The following HDAC9 variants were observed in gnomAD, a reference collection of about 807,000 sequenced individuals.
The protein encoded by HDAC9 is MEF-2 interacting transcription repressor (MITR) protein.
A neutral mutation model predicts 139.4 loss-of-function variants in HDAC9; 41 were observed. The ratio of observed to expected loss-of-function variants is 0.29; its 90% CI spans 0.23 to 0.38. HDAC9 has a LOEUF of 0.38. Ranked by LOEUF, HDAC9 falls within the 10% of genes least tolerant of loss-of-function variation. The pLI, the probability that HDAC9 is intolerant of heterozygous loss-of-function variation, is 1.00. For missense variants in HDAC9, 1,147 were observed against 1,297.0 expected (o/e 0.88, Z 1.78); for synonymous variants, 517 against 476.2 (o/e 1.09, Z -1.12).
intron 1 of HDAC9, among the ~76,000 whole-genome samples, chr7:18,296,120 A>G (rs1233593980): frequency 1.3e-5 from 2 of 152,154 alleles, no homozygotes; most frequent in Non-Finnish European, 2.9e-5. Flanking sequence ...AAACAACGTG[A>G]ATAAATAAAA....
At chr7:18,226,876 G>A (rs1793090785) in intron 2 of HDAC9, among the ~76,000 whole-genome samples, 1 of 152,180 alleles carries the variant, frequency 6.6e-6, no homozygotes, top group Non-Finnish European at 1.5e-5. Context: ...AAGGGCAACA[G>A]AAACATTTGA....
intron 2 of HDAC9, among the ~76,000 whole-genome samples, chr7:18,577,462 T>C (rs1367964883): frequency 6.6e-5 from 10 of 152,234 alleles, no homozygotes; most frequent in Admixed American, 4.6e-4. Context: ...CAGTGGTTTC[T>C]CTTTTTCAAA....
chr7:18,095,796 T>C (rs1460186286), intron 1 of HDAC9, among the ~76,000 whole-genome samples: 7 of 152,222 alleles, frequency 4.6e-5, no homozygotes, highest in African/African-American at 1.7e-4. Flanking sequence ...CATTGAACTC[T>C]GTGACAAATG....
intron 6 of HDAC9, among the ~76,000 whole-genome samples, chr7:18,610,489 A>C (rs1364688091): frequency 6.6e-6 from 1 of 152,150 alleles, no homozygotes; most frequent in Admixed American, 6.6e-5. Context: ...CATTCTGATA[A>C]ATTCCCAGGA....
At chr7:18,712,188 A>T (rs10235392) in intron 12 of HDAC9, among the ~76,000 whole-genome samples, 13 of 152,102 alleles carry the variant, frequency 8.5e-5, no homozygotes, top group Non-Finnish European at 1.8e-4. Flanking sequence ...TCATTCTTTA[A>T]TATACATCAG....
chr7:18,851,840 C>T (rs1051583137), intron 21 of HDAC9, among the ~76,000 whole-genome samples: 1 of 152,178 alleles, frequency 6.6e-6, no homozygotes, highest in East Asian at 1.9e-4. Flanking sequence ...CTTTCTTTTA[C>T]GGAAACATCC....
At chr7:18,733,807 A>C (rs1786627549) in intron 13 of HDAC9, among the ~76,000 whole-genome samples, 1 of 152,108 alleles carries the variant, frequency 6.6e-6, no homozygotes, top group Non-Finnish European at 1.5e-5. Flanking sequence ...TTGTCTGAAA[A>C]GTCTGGAAAT....
At chr7:18,622,149 CTG>C (rs1262297451) in intron 6 of HDAC9, among the ~76,000 whole-genome samples, 2 of 152,130 alleles carry the variant, frequency 1.3e-5, no homozygotes, top group Non-Finnish European at 2.9e-5. Flanking sequence ...GAGGGAGAAA[CTG>C]TGTGGAGAAG....
chr7:18,756,227 A>G (rs1788865190), intron 14 of HDAC9, among the ~76,000 whole-genome samples: 1 of 152,226 alleles, frequency 6.6e-6, no homozygotes, highest in African/African-American at 2.4e-5. Flanking sequence ...CGAGATAGAG[A>G]CAAATAGGCA....
At chr7:18,385,460 T>C (rs900658556) in intron 1 of HDAC9, among the ~76,000 whole-genome samples, 9 of 152,182 alleles carry the variant, frequency 5.9e-5, no homozygotes, top group African/African-American at 2.4e-5. Flanking sequence ...CTAAAGTAAA[T>C]CTGAGTGTAT....
At chr7:18,945,897 C>T (rs561315628) in intron 23 of HDAC9, among the ~76,000 whole-genome samples, 14 of 151,620 alleles carry the variant, frequency 9.2e-5, no homozygotes, top group South Asian at 2.1e-4. Context: ...ATTAGCTGGG[C>T]GTGGTGGTGC....
intron 23 of HDAC9, among the ~76,000 whole-genome samples, chr7:18,946,840 C>T (rs1782439926): frequency 6.6e-6 from 1 of 151,932 alleles, no homozygotes; most frequent in Non-Finnish European, 1.5e-5. Context: ...GAGTATATAT[C>T]CCCTAACATG....
chr7:18,696,929 G>A (rs1369764073), intron 12 of HDAC9, among the ~76,000 whole-genome samples: 2 of 151,764 alleles, frequency 1.3e-5, no homozygotes, highest in East Asian at 3.9e-4. Flanking sequence ...TTGGCGCTGA[G>A]GAAGAGATAT....
At chr7:18,681,128 A>G (rs913888089) in intron 12 of HDAC9, among the ~76,000 whole-genome samples, 4 of 151,932 alleles carry the variant, frequency 2.6e-5, no homozygotes, top group African/African-American at 9.7e-5. Context: ...TAGCTGACAA[A>G]CTGTCATTCT....
intron 2 of HDAC9, among the ~76,000 whole-genome samples, chr7:18,177,777 A>C (rs1053500795): frequency 1.3e-5 from 2 of 152,132 alleles, no homozygotes; most frequent in Non-Finnish European, 2.9e-5. Flanking sequence ...AGCTGTATTT[A>C]TGGTTGCTCT....
chr7:18,462,678 G>T (rs549331619), intron 1 of HDAC9, among the ~76,000 whole-genome samples: 1 of 151,954 alleles, frequency 6.6e-6, no homozygotes, highest in Non-Finnish European at 1.5e-5. Flanking sequence ...TTAAGTTGGT[G>T]AGATTGATTC....
At chr7:18,241,637 CATTTTAGTGTA>C (rs572547388) in intron 2 of HDAC9, among the ~76,000 whole-genome samples, 2 of 152,286 alleles carry the variant, frequency 1.3e-5, no homozygotes, top group East Asian at 3.9e-4. Context: ...AAGTCAACAA[CATTTTAGTGTA>C]ATTTAGTGAG....
At chr7:18,213,248 A>C (rs1365005866) in intron 2 of HDAC9, among the ~76,000 whole-genome samples, 1 of 152,130 alleles carries the variant, frequency 6.6e-6, no homozygotes, top group Non-Finnish European at 1.5e-5. Context: ...TTAATTTTTC[A>C]ATTTGGCATT....
At chr7:18,954,102 A>G in intron 23 of HDAC9, 44 bp from the exon 24 acceptor site, 1 of 1,329,764 alleles carries the variant, frequency 7.5e-7, no homozygotes, top group Non-Finnish European at 1.0e-6. Flanking sequence ...ACTTACTATA[A>G]AGTCATAATA....
Sources: gnomAD v4.1 joint callset for allele counts (sites outside exome capture counted in the v4.1 genomes callset) on GRCh38, gnomAD v4.1.1 for gene constraint, MANE v1.5 for transcripts, NCBI Gene and HGNC (gene_info 2026-07-23, HGNC 2026-07-21) for gene names.